RARB: variants seen among roughly 807,000 people sequenced by gnomAD.
The protein encoded by RARB is HBV-activated protein.
In RARB, 17 loss-of-function variants were observed where a neutral mutation model predicts 51.9. The observed-to-expected ratio is 0.33, with a 90% CI of 0.22 to 0.49. The LOEUF (loss-of-function observed/expected upper bound fraction) is 0.49, where lower values mean the gene tolerates loss of function less well. Among genes scored for constraint, RARB ranks in the 20% least tolerant of loss-of-function variants. The probability of loss-of-function intolerance (pLI) is 0.99; values close to 1 mark genes in which losing one functional copy is unlikely to be tolerated. For missense variants in RARB, 369 were observed against 550.8 expected (o/e 0.67, Z 3.30); for synonymous variants, 215 against 195.4 (o/e 1.10, Z -0.84).
chr3:25,166,727 C>T (rs1044763105), intron 4 of RARB, among the ~76,000 whole-genome samples: 1 of 152,150 alleles, frequency 6.6e-6, no homozygotes, highest in African/African-American at 2.4e-5. Flanking sequence ...TTGAAGGAAG[C>T]ACAGTGTAAA....
intron 5 of RARB, among the ~76,000 whole-genome samples, chr3:25,247,163 C>A (rs1435639035): frequency 1.3e-5 from 2 of 152,178 alleles, no homozygotes; most frequent in Admixed American, 1.3e-4. Flanking sequence ...ATGGCAGATG[C>A]CCTTCCCCCA....
At chr3:25,507,722 G>C (rs1040469764) in intron 3 of RARB, among the ~76,000 whole-genome samples, 1 of 152,208 alleles carries the variant, frequency 6.6e-6, no homozygotes, top group Non-Finnish European at 1.5e-5. Context: ...AAAGAAGGGG[G>C]TCCAGGGATA....
chr3:25,137,607 C>T (rs1013878956), intron 4 of RARB, among the ~76,000 whole-genome samples: 1 of 152,048 alleles, frequency 6.6e-6, no homozygotes, highest in African/African-American at 2.4e-5. Context: ...ATTATAATCA[C>T]TCTTATTGAA....
At chr3:25,120,953 C>A (rs758554404) in intron 3 of RARB, among the ~76,000 whole-genome samples, 79 of 152,118 alleles carry the variant, frequency 5.2e-4, no homozygotes, top group Non-Finnish European at 1.0e-3. Flanking sequence ...GCCCACAGAG[C>A]CTATTTATTA....
chr3:24,987,228 T>C (rs1306715158), intron 2 of RARB, among the ~76,000 whole-genome samples: 1 of 136,388 alleles, frequency 7.3e-6, no homozygotes, highest in African/African-American at 2.8e-5. Flanking sequence ...CTTCAATCTG[T>C]ATTTCAAAAT....
In RARB at chr3:25,063,023, C is replaced by T. The variant is rs114044473; in HGVS notation, c.-328+2847C>T. On this transcript the variant is annotated intron_variant, in intron 3 of 11. Coordinates refer to the RARB transcript ENST00000383772. ...TAGAGTTTGTGAAACTCCCCTTTGG[C>T]TTTTCAGACGAGAACTGTGTAACTT... 4.5e-3 allele frequency among the ~76,000 whole-genome samples: 688 copies of T among 151,964 alleles called. 6 individuals carry two copies. The highest frequency in any genetic ancestry group is 0.016 in the African/African-American group (651 of 41,482).
At chr3:25,171,350 G>A (rs1700640880) in intron 4 of RARB, among the ~76,000 whole-genome samples, 1 of 150,694 alleles carries the variant, frequency 6.6e-6, no homozygotes, top group South Asian at 2.1e-4. Context: ...TCCAGGAATA[G>A]CCTTAATCAG....
intron 2 of RARB, among the ~76,000 whole-genome samples, chr3:25,016,568 G>C (rs1376203175): frequency 6.6e-6 from 1 of 152,146 alleles, no homozygotes; most frequent in Non-Finnish European, 1.5e-5. Flanking sequence ...TCACACTTGT[G>C]ATTTGCAGTT....
chr3:25,010,072 A>C (rs2125279343), intron 2 of RARB, among the ~76,000 whole-genome samples: 1 of 152,156 alleles, frequency 6.6e-6, no homozygotes, highest in South Asian at 2.1e-4. Flanking sequence ...GTTCAGGTAA[A>C]GTTTTTCTTA....
chr3:25,217,370 T>C (rs1401717345), intron 5 of RARB, among the ~76,000 whole-genome samples: 3 of 152,304 alleles, frequency 2.0e-5, no homozygotes, highest in South Asian at 2.1e-4. Flanking sequence ...CAATCTATCA[T>C]AATTGTTACA....
chr3:25,575,505 C>T (rs555248007), intron 4 of RARB, among the ~76,000 whole-genome samples: 36 of 152,318 alleles, frequency 2.4e-4, no homozygotes, highest in African/African-American at 7.9e-4. Context: ...TGCATGGCCA[C>T]GCTGTCTCTG....
chr3:25,229,351 G>T (rs1345048422), intron 5 of RARB, among the ~76,000 whole-genome samples: 5 of 151,668 alleles, frequency 3.3e-5, no homozygotes, highest in African/African-American at 9.7e-5. Flanking sequence ...CTTTCTGAAG[G>T]TATTCAAAAA....
intron 3 of RARB, among the ~76,000 whole-genome samples, chr3:25,122,100 G>T (rs947852393): frequency 1.3e-5 from 2 of 152,020 alleles, no homozygotes; most frequent in Non-Finnish European, 2.9e-5. Flanking sequence ...AACCCACAAC[G>T]CAAATAAGAT....
chr3:25,543,360 T>TC (rs929826470), intron 3 of RARB, among the ~76,000 whole-genome samples: 13 of 151,954 alleles, frequency 8.6e-5, no homozygotes, highest in African/African-American at 3.1e-4. Flanking sequence ...GGCACCTCGC[T>TC]CCCCCCAACC....
At chr3:25,011,997 A>G (rs753851840) in intron 2 of RARB, among the ~76,000 whole-genome samples, 2 of 152,138 alleles carry the variant, frequency 1.3e-5, no homozygotes, top group African/African-American at 4.8e-5. Flanking sequence ...GACTGACATC[A>G]TCTGCACTGG....
At chr3:25,137,609 C>G (rs1700050545) in intron 4 of RARB, among the ~76,000 whole-genome samples, 1 of 152,066 alleles carries the variant, frequency 6.6e-6, no homozygotes. Context: ...TATAATCACT[C>G]TTATTGAATT....
intron 2 of RARB, among the ~76,000 whole-genome samples, chr3:24,980,950 G>A (rs1350284916): frequency 6.6e-6 from 1 of 152,128 alleles, no homozygotes; most frequent in African/African-American, 2.4e-5. Flanking sequence ...TGGGGTTTTG[G>A]TGTGGATGTC....
intron 5 of RARB, among the ~76,000 whole-genome samples, chr3:25,182,625 T>C (rs966376519): frequency 6.6e-6 from 1 of 152,194 alleles, no homozygotes; most frequent in Non-Finnish European, 1.5e-5. Context: ...GTGAGAATTT[T>C]CTGGGTAAAT....
At chr3:25,369,200 T>C (rs544274522) in intron 5 of RARB, among the ~76,000 whole-genome samples, 26 of 152,350 alleles carry the variant, frequency 1.7e-4, no homozygotes, top group African/African-American at 5.8e-4. Context: ...GAAAATGTTT[T>C]CATTAACTCA....
Sources: allele counts gnomAD v4.1 joint callset (sites outside exome capture counted in the v4.1 genomes callset), GRCh38; gene constraint gnomAD v4.1.1; transcripts MANE v1.5; gene names NCBI Gene and HGNC (gene_info 2026-07-23, HGNC 2026-07-21).